The following RNF38 variants were observed in gnomAD, a reference collection of about 807,000 sequenced individuals.
RNF38 encodes the protein ring finger protein 38.
RNF38 carries 15 observed loss-of-function variants against 67.2 expected under a neutral mutation model. That is an observed-to-expected ratio of 0.22 (90% CI 0.15 to 0.34). The LOEUF (loss-of-function observed/expected upper bound fraction) is 0.34, where lower values mean the gene tolerates loss of function less well. Ranked by LOEUF, RNF38 falls within the 10% of genes least tolerant of loss-of-function variation. The pLI, the probability that RNF38 is intolerant of heterozygous loss-of-function variation, is 1.00. For synonymous variants in RNF38, 220 were observed against 218.8 expected (o/e 1.01, Z -0.05); for missense variants, 524 against 639.9 (o/e 0.82, Z 1.95).
intron 6 of RNF38, among the ~76,000 whole-genome samples, chr9:36,354,708 G>C (rs546393357): frequency 6.6e-6 from 1 of 152,224 alleles, no homozygotes; most frequent in East Asian, 1.9e-4. Flanking sequence ...TTGACTATTA[G>C]GAATAGTGCT....
At position 36,361,579 on chromosome 9, in the gene RNF38, C is replaced by A. The variant is rs746635171; in HGVS notation, c.571-3637G>T. 2.0e-5 allele frequency among the ~76,000 whole-genome samples: 3 copies of A among 152,072 alleles called. No individual in the cohort carries two copies. The East Asian group carries it at 5.8e-4, about 29-fold the overall frequency. ...TAGAAGCACTTTAAATGAGATCATA[C>A]AACACTTGAGCATTCAAAAAAGGAA... On this transcript the variant is annotated intron_variant, in intron 4 of 11. Coordinates refer to ENST00000259605, the MANE Select transcript of RNF38 (RefSeq NM_022781.5).
chr9:36,373,785 T>A (rs2133827918), intron 3 of RNF38, among the ~76,000 whole-genome samples: 1 of 151,584 alleles, frequency 6.6e-6, no homozygotes, highest in Non-Finnish European at 1.5e-5. Flanking sequence ...CTTGCTAGCC[T>A]TTTTTTGTTT....
At chr9:36,486,327 C>G (rs1840410171) in intron 1 of RNF38, among the ~76,000 whole-genome samples, 1 of 152,080 alleles carries the variant, frequency 6.6e-6, no homozygotes, top group Non-Finnish European at 1.5e-5. Flanking sequence ...GCCAGGCAGG[C>G]GGGTGACTCG....
intron 1 of RNF38, among the ~76,000 whole-genome samples, chr9:36,476,968 C>T (rs1840134258): frequency 6.6e-6 from 1 of 152,066 alleles, no homozygotes; most frequent in Non-Finnish European, 1.5e-5. Flanking sequence ...ATGCTAATTA[C>T]AGCAACAAAA....
chr9:36,436,344 C>A (rs1306981426), intron 1 of RNF38, among the ~76,000 whole-genome samples: 1 of 152,104 alleles, frequency 6.6e-6, no homozygotes, highest in Non-Finnish European at 1.5e-5. Context: ...CAAGAAGAGA[C>A]CTCAATTCAG....
chr9:36,398,046 AG>A (rs1453144721), intron 1 of RNF38, among the ~76,000 whole-genome samples: 1 of 152,216 alleles, frequency 6.6e-6, no homozygotes, highest in Non-Finnish European at 1.5e-5. Flanking sequence ...TGGAAAAAAG[AG>A]GTATGATTGA....
At chr9:36,465,821 C>T (rs1251831256) in intron 1 of RNF38, among the ~76,000 whole-genome samples, 17 of 151,912 alleles carry the variant, frequency 1.1e-4, no homozygotes, top group African/African-American at 3.9e-4. Context: ...GAGGCCGAGG[C>T]GGGTGGATCA....
At chr9:36,460,134 G>T (rs999159363) in intron 1 of RNF38, among the ~76,000 whole-genome samples, 2 of 152,038 alleles carry the variant, frequency 1.3e-5, no homozygotes, top group African/African-American at 2.4e-5. Flanking sequence ...TTTTCTTGTG[G>T]TTTCTTAAGC....
At chr9:36,388,273 T>C (rs1422267420) in intron 2 of RNF38, among the ~76,000 whole-genome samples, 1 of 152,110 alleles carries the variant, frequency 6.6e-6, no homozygotes, top group Non-Finnish European at 1.5e-5. Context: ...GATGTCTGCT[T>C]TACATTTTCT....
At chr9:36,438,832 A>G (rs889028272) in intron 1 of RNF38, among the ~76,000 whole-genome samples, 8 of 152,190 alleles carry the variant, frequency 5.3e-5, no homozygotes, top group African/African-American at 1.7e-4. Flanking sequence ...TCACTACCTT[A>G]GAGAGCTAGG....
intron 1 of RNF38, among the ~76,000 whole-genome samples, chr9:36,464,080 C>T (rs545385531): frequency 1.1e-4 from 17 of 151,984 alleles, no homozygotes; most frequent in African/African-American, 4.1e-4. Flanking sequence ...AGGAGAATGG[C>T]GTGAACCCGG....
At position 36,339,778 on chromosome 9, in the gene RNF38, A is replaced by T; in HGVS notation, c.1522T>A (p.Ser508Thr). The change falls in exon 12 of 12, where the codon TCA becomes ACA. Residue 508 changes from serine (S) to threonine (T), a missense_variant. Ser to Thr is a moderately conservative substitution (Grantham distance 58). Around this residue, in one of 2 missense-constraint regions of RNF38, gnomAD observed 63 missense variants for 122.5 expected, o/e 0.51. Coordinates refer to ENST00000259605, the MANE Select transcript of RNF38 (RefSeq NM_022781.5). The stretch of plus-strand genomic sequence containing the variant: ...CATTCTGAATCCCGATGCACTTCTG[A>T]AGCATCAGCTCGGCAAATTGGGCAA... ...RTCPICRADASEVHRDSE is the reference protein window; with the variant it reads ...RTCPICRADATEVHRDSE The T allele has an allele frequency of 6.2e-7, 1 of 1,613,536 alleles. No individual in the cohort carries two copies. Among genetic ancestry groups the T allele is most frequent in the Non-Finnish European group, 8.5e-7 (1 of 1,179,674 alleles).
intron 2 of RNF38, among the ~76,000 whole-genome samples, chr9:36,376,926 C>CAAA (rs34112141): frequency 2.0e-5 from 2 of 102,172 alleles, no homozygotes; most frequent in Non-Finnish European, 4.0e-5. Flanking sequence ...GACTCTGTCT[C>CAAA]AAAAAAAAAA....
upstream of RNF38, among the ~76,000 whole-genome samples, chr9:36,403,131 G>C (rs1302267856): frequency 6.6e-6 from 1 of 152,140 alleles, no homozygotes; most frequent in Non-Finnish European, 1.5e-5. Context: ...AAAATCTTAA[G>C]CCATGCAAGT....
At chr9:36,466,199 A>G (rs773740507) in intron 1 of RNF38, among the ~76,000 whole-genome samples, 1 of 152,232 alleles carries the variant, frequency 6.6e-6, no homozygotes, top group African/African-American at 2.4e-5. Flanking sequence ...GGTCCAGAAC[A>G]GGCTAATCTA....
chr9:36,483,035 T>A (rs1187964286), intron 1 of RNF38, among the ~76,000 whole-genome samples: 1 of 152,186 alleles, frequency 6.6e-6, no homozygotes, highest in African/African-American at 2.4e-5. Flanking sequence ...ACTTGCCACC[T>A]GAAACAGGTA....
At position 36,420,532 on chromosome 9, in the gene RNF38, C is replaced by CAAAAAAA. The variant is rs59641483; in HGVS notation, n.312+4074_312+4080dup. Among the ~76,000 whole-genome samples, 297 of 73,386 alleles carry CAAAAAAA rather than the reference C, an allele frequency of 4.0e-3. 21 individuals are homozygous for CAAAAAAA. Among genetic ancestry groups the CAAAAAAA allele is most frequent in the Non-Finnish European group, 7.8e-3 (242 of 31,188 alleles). The allele number at this position is 73,386 out of a possible 152,430, so 48.1% of individuals were successfully genotyped here. ...GGGCAACAGAGCAAGACTCTGTCTC[C>CAAAAAAA]AAAAAAAAAAAAAAAGAGGACAACC... On this transcript the variant is annotated intron_variant and non_coding_transcript_variant, in intron 2 of 3. Transcript: ENST00000488058.
chr9:36,369,874 T>C lies in RNF38; in HGVS notation c.415A>G (p.Ser139Gly). 2 of 1,613,760 alleles carry C rather than the reference T, an allele frequency of 1.2e-6. No homozygotes were observed. Among genetic ancestry groups the C allele is most frequent in the African/African-American group, 1.3e-5 (1 of 75,026 alleles). ...RDRLSRHNSI[S>G]QDENYHHLPY... ...AGATGGTGATAGTTTTCATCTTGAC[T>C]AATGGAATTATGTCGAGACAGACGA... Residue 139 changes from serine to glycine, a missense_variant, in exon 4 of 12, where the codon AGT becomes GGT. Ser to Gly is a moderately conservative substitution (Grantham distance 56). This residue lies in a region of RNF38 where 461 missense variants were observed against 517.4 expected (regional missense o/e 0.89). Transcript: ENST00000259605.
At chr9:36,475,705 CAG>C (rs1447724188) in intron 1 of RNF38, among the ~76,000 whole-genome samples, 3 of 150,968 alleles carry the variant, frequency 2.0e-5, no homozygotes, top group South Asian at 2.1e-4. Flanking sequence ...AAAATAGAGA[CAG>C]GGGTTAATTC....
Sources: gnomAD v4.1 joint callset for allele counts (sites outside exome capture counted in the v4.1 genomes callset) on GRCh38, gnomAD v4.1.1 for gene constraint, gnomAD v4.1.1 regional missense constraint, MANE v1.5 for transcripts, NCBI Gene and HGNC (gene_info 2026-07-23, HGNC 2026-07-21) for gene names.